The following PSMD1 variants were observed in gnomAD, a reference collection of about 807,000 sequenced individuals.
PSMD1 encodes 26S proteasome non-ATPase regulatory subunit 1.
In PSMD1, 18 loss-of-function variants were observed where a neutral mutation model predicts 119.0. The ratio of observed to expected loss-of-function variants is 0.15; its 90% CI spans 0.10 to 0.22. PSMD1 has a LOEUF of 0.22. Among genes scored for constraint, PSMD1 ranks in the 10% least tolerant of loss-of-function variants. PSMD1 has a pLI of 1.00. For synonymous variants in PSMD1, 374 were observed against 396.6 expected, an observed-to-expected ratio of 0.94 and a Z score of 0.68; for missense variants, 702 against 1,158.5, an observed-to-expected ratio of 0.61 and a Z score of 5.72.
intron 20 of PSMD1, among the ~76,000 whole-genome samples, chr2:231,162,826 CA>C (rs559646312): frequency 0.03 from 3,022 of 101,742 alleles, 46 homozygotes; most frequent in Middle Eastern, 0.078. Flanking sequence ...AACTCTGTCT[CA>C]AAAAAAAAAA....
chr2:231,144,306 C>T (rs1197031569), intron 17 of PSMD1, among the ~76,000 whole-genome samples: 1 of 150,500 alleles, frequency 6.6e-6, no homozygotes, highest in African/African-American at 2.4e-5. Flanking sequence ...GGCCGGAGTG[C>T]AATGGCACTA....
At position 231,075,563 on chromosome 2, in the gene PSMD1, C is replaced by T; in HGVS notation, c.934C>T (p.Pro312Ser). 1 of 1,603,602 alleles carries T rather than the reference C, an allele frequency of 6.2e-7. No homozygotes were observed. Among genetic ancestry groups the T allele is most frequent in the Non-Finnish European group, 8.5e-7 (1 of 1,176,844 alleles). Residue 312 changes from proline to serine, a missense_variant, in exon 8 of 25, where the codon CCA (proline) becomes TCA (serine). Transcript: ENST00000308696. ...AAGCAGTGCATTTGTAGGAAAGACA[C>T]CAGAAGCCGTGAGTGTGCTTTTTTT... ...KTSSAFVGKTPEASPEPKDQT... is the reference protein window; with the variant it reads ...KTSSAFVGKTSEASPEPKDQT...
intron 17 of PSMD1, among the ~76,000 whole-genome samples, chr2:231,139,905 T>C (rs191228010): frequency 2.0e-5 from 3 of 152,320 alleles, no homozygotes; most frequent in Admixed American, 6.5e-5. Flanking sequence ...AAATGTGCTA[T>C]TGCATAAATA....
intron 16 of PSMD1, chr2:231,133,637 G>A (rs1695901315): frequency 6.6e-6 from 1 of 152,150 alleles, no homozygotes; most frequent in African/African-American, 2.4e-5. Flanking sequence ...CCTGGGGTCA[G>A]GGGGGAAGAA....
At chr2:231,111,010 T>C (rs1312174385) in intron 16 of PSMD1, among the ~76,000 whole-genome samples, 4 of 152,248 alleles carry the variant, frequency 2.6e-5, no homozygotes, top group Non-Finnish European at 5.9e-5. Context: ...GTTTATTTTA[T>C]CTACTTAATA....
At chr2:231,166,471 C>G (rs1411288939) in intron 23 of PSMD1, among the ~76,000 whole-genome samples, 1 of 151,236 alleles carries the variant, frequency 6.6e-6, no homozygotes, top group Non-Finnish European at 1.5e-5. Context: ...TGGGACTGCT[C>G]AATAAGTATT....
At chr2:231,075,398 C>CT (rs1694136176) in intron 7 of PSMD1, 113 bp from the exon 8 acceptor site, 1 of 893,722 alleles carries the variant, frequency 1.1e-6, no homozygotes, top group African/African-American at 1.7e-5. Context: ...AATGGTAATA[C>CT]TTTAGTAAAC....
At chr2:231,062,425 T>C in intron 3 of PSMD1, 81 bp from the exon 4 acceptor site, 1 of 1,548,314 alleles carries the variant, frequency 6.5e-7, no homozygotes, top group Non-Finnish European at 8.8e-7. Flanking sequence ...GTTAACTGAA[T>C]TGTGGCTTGA....
intron 18 of PSMD1, among the ~76,000 whole-genome samples, chr2:231,152,025 G>A (rs1037450630): frequency 2.0e-5 from 3 of 152,012 alleles, no homozygotes; most frequent in African/African-American, 7.2e-5. Context: ...TATTGGGCAG[G>A]CCGGTCTCAA....
At chr2:231,109,064 G>T in intron 16 of PSMD1, 1 of 1,614,216 alleles carries the variant, frequency 6.2e-7, no homozygotes, top group African/African-American at 1.3e-5. Context: ...TCGCATAAGT[G>T]TTTCATCACC....
chr2:231,125,426 T>C (rs1411945490), intron 16 of PSMD1, among the ~76,000 whole-genome samples: 1 of 152,256 alleles, frequency 6.6e-6, no homozygotes, highest in African/African-American at 2.4e-5. Context: ...TAAAAGCCTA[T>C]AGTGATTTCT....
At chr2:231,155,886 C>T (rs895566730) in intron 19 of PSMD1, among the ~76,000 whole-genome samples, 1 of 151,832 alleles carries the variant, frequency 6.6e-6, no homozygotes, top group Non-Finnish European at 1.5e-5. Flanking sequence ...TAAAGTAAAC[C>T]GTTTCAATTC....
At chr2:231,097,762 C>G (rs1431751814) in intron 16 of PSMD1, among the ~76,000 whole-genome samples, 4 of 151,958 alleles carry the variant, frequency 2.6e-5, no homozygotes, top group Admixed American at 6.6e-5. Flanking sequence ...GTCGAAAGAC[C>G]CATAGGGGGC....
intron 6 of PSMD1, among the ~76,000 whole-genome samples, chr2:231,071,208 T>A (rs981923614): frequency 3.9e-5 from 6 of 152,066 alleles, no homozygotes; most frequent in African/African-American, 1.4e-4. Context: ...CCTCTTCCTG[T>A]CTGTATTTCA....
At position 231,146,305 on chromosome 2, in the gene PSMD1, C is replaced by T. The variant is rs1401073168; in HGVS notation, c.2064C>T (p.Leu688=). 4 of 1,613,916 alleles carry T rather than the reference C, an allele frequency of 2.5e-6. No individual in the cohort carries two copies. The highest frequency in any genetic ancestry group is 2.2e-5 in the East Asian group (1 of 44,868). The change falls in exon 18 of 25, where the codon CTC becomes CTT. Residue 688 remains leucine, a synonymous_variant. Transcript: ENST00000308696. ...TGAACTACGTGAGGCAAGGGGCACT[C>T]ATAGCTTCAGCTCTCATCATGATCC... ...DPVNYVRQGA[L]IASALIMIQQ...
At chr2:231,073,344 G>T (rs1483131295) in intron 7 of PSMD1, among the ~76,000 whole-genome samples, 2 of 152,160 alleles carry the variant, frequency 1.3e-5, no homozygotes, top group Non-Finnish European at 1.5e-5. Flanking sequence ...TGGAGAAGTG[G>T]CTCCAATAGA....
intron 16 of PSMD1, among the ~76,000 whole-genome samples, chr2:231,121,447 A>C (rs1695539048): frequency 1.3e-5 from 2 of 152,246 alleles, no homozygotes; most frequent in Non-Finnish European, 2.9e-5. Flanking sequence ...TCAATTATTT[A>C]AGACATAAAT....
intron 16 of PSMD1, among the ~76,000 whole-genome samples, chr2:231,112,079 T>C (rs915955908): frequency 7.2e-5 from 11 of 152,172 alleles, no homozygotes; most frequent in African/African-American, 2.7e-4. Context: ...TTCAAATATT[T>C]TAATTATTCT....
At chr2:231,058,972 T>C (rs907799904) in intron 1 of PSMD1, among the ~76,000 whole-genome samples, 5 of 151,708 alleles carry the variant, frequency 3.3e-5, no homozygotes, top group African/African-American at 4.9e-5. Flanking sequence ...CTCTCTCTGG[T>C]AGAATTTTGA....
Sources: gnomAD v4.1 joint callset for allele counts (sites outside exome capture counted in the v4.1 genomes callset) on GRCh38, gnomAD v4.1.1 for gene constraint, MANE v1.5 for transcripts, NCBI Gene and HGNC (gene_info 2026-07-23, HGNC 2026-07-21) for gene names.